Variants in YLPM1 observed in about 807,000 individuals in gnomAD.
The protein encoded by YLPM1 is YLP motif containing 1.
YLPM1 carries 99 observed loss-of-function variants against 230.0 expected under a neutral mutation model. The observed-to-expected ratio is 0.43, with a 90% confidence interval of 0.37 to 0.51. YLPM1 has a LOEUF of 0.51. Ranked by LOEUF, YLPM1 falls within the 20% of genes least tolerant of loss-of-function variation. YLPM1 has a pLI of 0.00. For synonymous variants in YLPM1, 984 were observed against 942.5 expected (o/e 1.04, Z -0.81); for missense variants, 2,592 against 2,707.7 (o/e 0.96, Z 0.95).
At chr14:74,783,306 C>T (rs572842906) in intron 4 of YLPM1, among the ~76,000 whole-genome samples, 17 of 152,202 alleles carry the variant, frequency 1.1e-4, no homozygotes, top group Non-Finnish European at 1.9e-4. Context: ...TGGGCTCAAG[C>T]GATCCTCCTG....
intron 6 of YLPM1, among the ~76,000 whole-genome samples, chr14:74,803,764 GC>G (rs2091351244): frequency 6.6e-6 from 1 of 152,092 alleles, no homozygotes; most frequent in Non-Finnish European, 1.5e-5. Context: ...GTCCTACCCT[GC>G]TGCTGATTGA....
intron 4 of YLPM1, among the ~76,000 whole-genome samples, chr14:74,786,671 A>G (rs2091153580): frequency 1.3e-5 from 2 of 152,200 alleles, no homozygotes; most frequent in Admixed American, 6.5e-5. Context: ...ATATAACACA[A>G]TCTGTTTATC....
At chr14:74,815,561 C>CAA (rs746833102) in intron 11 of YLPM1, among the ~76,000 whole-genome samples, 10 of 114,194 alleles carry the variant, frequency 8.8e-5, no homozygotes, top group Non-Finnish European at 1.1e-4. Context: ...GACTCCATCT[C>CAA]AAAAAAAAAA....
chr14:74,824,048 A>C, intron 17 of YLPM1: 1 of 553,838 alleles, frequency 1.8e-6, no homozygotes, highest in Non-Finnish European at 3.2e-6. Flanking sequence ...TGAAGTGACT[A>C]CTCTGAAATG....
chr14:74,806,919 G>A (rs978051504), intron 6 of YLPM1, among the ~76,000 whole-genome samples: 28 of 151,696 alleles, frequency 1.8e-4, no homozygotes, highest in Admixed American at 1.7e-3. Context: ...ATAGAATGAA[G>A]AAAGCAGTTT....
rs1380408116 is a variant in YLPM1, at chr14:74,809,702, C to G, written c.4844C>G (p.Ser1615Cys). 4 of 1,614,082 alleles carry G rather than the reference C, an allele frequency of 2.5e-6. No individual in the cohort carries two copies. In the South Asian group the frequency reaches 4.4e-5, roughly 18 times the overall value. The change falls in exon 7 of 21, where the codon TCT becomes TGT. Residue 1615 changes from serine to cysteine, a missense_variant. Transcript: ENST00000325680. ...APVLPPPPVH[S>C]SIPPPGPVPM... ...GTATTACCACCCCCACCTGTTCACTCTTCCATTCCCCCTCCTGGCCCAGTG... is the reference window on the plus strand; with the variant it reads ...GTATTACCACCCCCACCTGTTCACTGTTCCATTCCCCCTCCTGGCCCAGTG...
intron 16 of YLPM1, 22 bp downstream of exon 16, chr14:74,818,336 T>G (rs369109781): frequency 3.4e-5 from 53 of 1,562,812 alleles, no homozygotes; most frequent in Non-Finnish European, 4.4e-5. Context: ...TTGGTTCAAA[T>G]GCAATGCAAA....
chr14:74,822,239 C>A (rs920427075), intron 17 of YLPM1: 3 of 152,080 alleles, frequency 2.0e-5, no homozygotes, highest in African/African-American at 7.2e-5. Flanking sequence ...TGGAATATGG[C>A]TAATGACTTC....
At chr14:74,788,418 CCTT>C (rs2091170800) in intron 4 of YLPM1, among the ~76,000 whole-genome samples, 1 of 152,210 alleles carries the variant, frequency 6.6e-6, no homozygotes, top group African/African-American at 2.4e-5. Context: ...CCGCGCCTGG[CCTT>C]CTGTCACATA....
In YLPM1 at chr14:74,781,777, G is replaced by A. The variant is rs2091096236; in HGVS notation, c.1734G>A (p.Met578Ile). The change falls in exon 4 of 21, where the codon ATG (methionine) becomes ATA (isoleucine). Residue 578 changes from methionine to isoleucine, a missense_variant. Met to Ile is a conservative substitution (Grantham distance 10). This residue lies in a region of YLPM1 where 1,862 missense variants were observed against 1,819.8 expected (regional missense o/e 1.02). Coordinates refer to ENST00000325680, the MANE Select transcript of YLPM1 (RefSeq NM_019589.3). The part of the protein sequence containing the change: ...SLPTSVPPPG[M>I]PPSLSSAGPP... Reference sequence around the variant, plus strand: ...CAACCTCTGTTCCCCCACCAGGGATGCCTCCTTCTCTCTCTTCTGCAGGGC... The same window carrying A: ...CAACCTCTGTTCCCCCACCAGGGATACCTCCTTCTCTCTCTTCTGCAGGGC... 3.1e-6 allele frequency: 5 copies of A among 1,607,896 alleles called. No individual in the cohort carries two copies. Among genetic ancestry groups the A allele is most frequent in the Non-Finnish European group, 4.2e-6 (5 of 1,178,716 alleles).
At position 74,763,709 on chromosome 14, in the gene YLPM1, T is replaced by C. The variant is rs767840541; in HGVS notation, c.220T>C (p.Cys74Arg). 2 of 1,549,166 alleles carry C rather than the reference T, an allele frequency of 1.3e-6. No homozygotes were observed. Among genetic ancestry groups the C allele is most frequent in the Non-Finnish European group, 8.7e-7 (1 of 1,143,154 alleles). ...GCAGATGCACCAGAAGCAAATGCAG[T>C]GCGTGCTTCAGCCCCACCACCTTCC... Reference protein sequence around the residue: ...LQQMHQKQMQCVLQPHHLPPP... With the variant: ...LQQMHQKQMQRVLQPHHLPPP... The change falls in exon 1 of 21, where the codon TGC (cysteine) becomes CGC (arginine). Residue 74 changes from cysteine (C) to arginine (R), a missense_variant. Physicochemically the swap from Cys to Arg is radical, Grantham distance 180. Around this residue, in one of 4 missense-constraint regions of YLPM1, gnomAD observed 1,862 missense variants for 1,819.8 expected, o/e 1.02. Coordinates refer to ENST00000325680, the MANE Select transcript of YLPM1 (RefSeq NM_019589.3).
At chr14:74,778,299 GT>G (rs1352232870) in intron 1 of YLPM1, 147 bp from the exon 2 acceptor site, 40 of 658,322 alleles carry the variant, frequency 6.1e-5, no homozygotes, top group Non-Finnish European at 9.9e-5. Flanking sequence ...TTAAGATCTT[GT>G]TAACTTATTT....
intron 9 of YLPM1, among the ~76,000 whole-genome samples, chr14:74,811,095 G>A (rs985229488): frequency 6.6e-6 from 1 of 152,050 alleles, no homozygotes; most frequent in African/African-American, 2.4e-5. Flanking sequence ...CCGAAGTGCT[G>A]GGATTATAGG....
chr14:74,778,433 T>G lies in YLPM1; in HGVS notation c.874-14T>G, dbSNP rs753332297. 2 of 1,573,660 alleles carry G rather than the reference T, an allele frequency of 1.3e-6. No individual in the cohort carries two copies. Among genetic ancestry groups the G allele is most frequent in the Non-Finnish European group, 1.7e-6 (2 of 1,159,550 alleles). On this transcript the variant is annotated splice_polypyrimidine_tract_variant and intron_variant, in intron 1 of 20. Coordinates refer to ENST00000325680, the MANE Select transcript of YLPM1 (RefSeq NM_019589.3). ...ATTGTCAATCAAAATTCTCAAAAAT[T>G]GTTTCTGTTGTAGGAACAGCAGCAG...
intron 6 of YLPM1, among the ~76,000 whole-genome samples, chr14:74,807,748 G>A (rs556610740): frequency 1.4e-4 from 21 of 152,118 alleles, no homozygotes; most frequent in Non-Finnish European, 1.5e-5. Context: ...TTCTCTGTTG[G>A]TCTCAGCTTC....
chr14:74,782,022 C>T lies in YLPM1; in HGVS notation c.1979C>T (p.Ser660Leu), dbSNP rs895360579. Residue 660 changes from serine (S) to leucine (L), a missense_variant, in exon 4 of 21, where the codon TCG (serine) becomes TTG (leucine). Coordinates refer to ENST00000325680, the MANE Select transcript of YLPM1 (RefSeq NM_019589.3). ...PVPPASSSQS[S>L]QVPEKPRPAL... is the part of the protein sequence containing the mutation. The stretch of plus-strand genomic sequence containing the variant: ...CCACCAGCCTCCAGTTCACAGAGCT[C>T]GCAAGTTCCAGAGAAACCTAGACCA... The T allele has an allele frequency of 1.6e-5, 26 of 1,613,864 alleles. No individual in the cohort carries two copies. Among genetic ancestry groups the T allele is most frequent in the Admixed American group, 6.7e-5 (4 of 59,998 alleles).
chr14:74,824,774 T>C (rs192725914), intron 18 of YLPM1, among the ~76,000 whole-genome samples: 2 of 152,226 alleles, frequency 1.3e-5, no homozygotes, highest in East Asian at 1.9e-4. Context: ...GGAGTAGATA[T>C]ATAATTCAGG....
Position 74,763,937 on chromosome 14 carries a change from C to A in YLPM1, c.448C>A (p.Pro150Thr). ...PMELESPPES[P>T]PVPPGSYMPP... Reference sequence around the variant, plus strand: ...GGAGCTGGAATCCCCCCCTGAATCTCCCCCTGTGCCGCCTGGGTCCTATAT... The same window carrying A: ...GGAGCTGGAATCCCCCCCTGAATCTACCCCTGTGCCGCCTGGGTCCTATAT... The change falls in exon 1 of 21, where the codon CCC (proline) becomes ACC (threonine). Residue 150 changes from proline to threonine, a missense_variant. By Grantham distance (38) the Pro-to-Thr change is conservative. Coordinates refer to ENST00000325680, the MANE Select transcript of YLPM1 (RefSeq NM_019589.3). 9.3e-7 allele frequency: 1 copy of A among 1,073,978 alleles called. No homozygotes were observed. Among genetic ancestry groups the A allele is most frequent in the East Asian group, 6.9e-5 (1 of 14,418 alleles). 66.5% of individuals were successfully genotyped at this position (1,073,978 alleles called of 1,614,324 possible). A position where few individuals can be genotyped will look rare whatever the true frequency, so the allele number is the denominator to read the frequency against.
At chr14:74,829,488 T>A in intron 19 of YLPM1, 145 bp downstream of exon 19, 1 of 1,176,898 alleles carries the variant, frequency 8.5e-7, no homozygotes, top group African/African-American at 1.5e-5. Context: ...GAAGGAGTCA[T>A]ACCTTATAAA....
Sources: allele counts gnomAD v4.1 joint callset (sites outside exome capture counted in the v4.1 genomes callset), GRCh38; gene constraint gnomAD v4.1.1; regional missense constraint gnomAD v4.1.1; transcripts MANE v1.5; gene names NCBI Gene and HGNC (gene_info 2026-07-23, HGNC 2026-07-21).